Variants in ANGEL1 observed in about 807,000 individuals in gnomAD.
The protein encoded by ANGEL1 is RNA 2',3'-cyclic phosphatase ANGEL1.
A neutral mutation model predicts 76.4 loss-of-function variants in ANGEL1; 62 were observed. The ratio of observed to expected loss-of-function variants is 0.81; its 90% confidence interval spans 0.66 to 1.00. The LOEUF is 1.00. Among genes scored for constraint, ANGEL1 ranks in the 50% least tolerant of loss-of-function variants. ANGEL1 has a pLI of 0.00. For synonymous variants in ANGEL1, 340 were observed against 331.7 expected (o/e 1.03, Z -0.27); for missense variants, 737 against 836.7 (o/e 0.88, Z 1.47).
Position 76,809,312 on chromosome 14 carries a change from T to G in ANGEL1, c.396A>C (p.Gly132=). 1 of 1,614,168 alleles carries G rather than the reference T, an allele frequency of 6.2e-7. No homozygotes were observed. Among genetic ancestry groups the G allele is most frequent in the Non-Finnish European group, 8.5e-7 (1 of 1,180,010 alleles). The change falls in exon 2 of 10, where the codon GGA becomes GGC. Residue 132 remains glycine (G), a synonymous_variant. Transcript: ENST00000251089. The stretch of plus-strand genomic sequence containing the variant: ...CCTCCACCTCCAGCAGTGGCTCCTC[T>G]CCTAGCATCTCAGGGAAAGGCTCAT... ...NLDEPFPEML[G]EEPLLEVEGV... is the part of the protein sequence containing the mutation.
At chr14:76,806,315 C>A in intron 5 of ANGEL1, 101 bp downstream of exon 5, 1 of 1,240,856 alleles carries the variant, frequency 8.1e-7, no homozygotes, top group Non-Finnish European at 1.1e-6. Flanking sequence ...CAGGCCAGAG[C>A]AGGTGTACTG....
At chr14:76,808,185 T>C (rs368171645) in intron 2 of ANGEL1, 37 bp from the exon 3 acceptor site, 3 of 1,578,808 alleles carry the variant, frequency 1.9e-6, no homozygotes, top group African/African-American at 1.3e-5. Context: ...ATGGCAAGTA[T>C]GAGTAATGCA....
intron 5 of ANGEL1, 71 bp from the exon 6 acceptor site, chr14:76,803,983 G>T (rs1894841759): frequency 6.2e-7 from 1 of 1,613,574 alleles, no homozygotes; most frequent in East Asian, 2.2e-5. Flanking sequence ...CATGTTTTGG[G>T]ACATGTGGAC....
chr14:76,793,982 C>T (rs533457956), intron 7 of ANGEL1, among the ~76,000 whole-genome samples: 1 of 152,186 alleles, frequency 6.6e-6, no homozygotes, highest in African/African-American at 2.4e-5. Context: ...CCAAAGAAGG[C>T]AAAATCACTG....
At chr14:76,812,446 C>T (rs1055843217) in intron 1 of ANGEL1, 114 of 1,170,084 alleles carry the variant, frequency 9.7e-5, no homozygotes, top group Non-Finnish European at 1.1e-4. Context: ...TGGCCGACCC[C>T]ACAATTTCTC....
rs1449099866 is a variant in ANGEL1 at position 76,787,123 on chromosome 14, C to T, written c.*2105G>A. Reference sequence around the variant, plus strand: ...TACAACACATTTCTCAATCTAGATTCATGTCTTGAGACCCCACCCCAAGAT... The same window carrying T: ...TACAACACATTTCTCAATCTAGATTTATGTCTTGAGACCCCACCCCAAGAT... On this transcript the variant is annotated 3_prime_UTR_variant, in exon 10 of 10. Coordinates refer to ENST00000251089, the MANE Select transcript of ANGEL1 (RefSeq NM_015305.4). 5.3e-5 allele frequency: 8 copies of T among 152,228 alleles called. No individual in the cohort carries two copies. 9.4% of individuals were successfully genotyped at this position (152,228 alleles called of 1,614,324 possible).
Position 76,789,068 on chromosome 14 carries a change from G to T in ANGEL1, c.*160C>A. On this transcript the variant is annotated 3_prime_UTR_variant, in exon 10 of 10. Transcript: ENST00000251089. ...GACCACAGGCAGAGAACGCAGCCAGGCCTGGAGAAAGTCTAACCGTGGGAA... is the reference window on the plus strand; with the variant it reads ...GACCACAGGCAGAGAACGCAGCCAGTCCTGGAGAAAGTCTAACCGTGGGAA... 2 of 988,958 alleles carry T rather than the reference G, an allele frequency of 2.0e-6. No homozygotes were observed. The highest frequency in any genetic ancestry group is 2.4e-5 in the East Asian group (1 of 40,934). 61.3% of individuals were successfully genotyped at this position (988,958 alleles called of 1,614,324 possible).
At chr14:76,800,533 TA>T (rs1894729542) in intron 7 of ANGEL1, among the ~76,000 whole-genome samples, 1 of 152,256 alleles carries the variant, frequency 6.6e-6, no homozygotes, top group Admixed American at 6.5e-5. Context: ...CCTTTCACTA[TA>T]GTTTTCCCAG....
chr14:76,790,824 C>T, intron 8 of ANGEL1, 50 bp from the exon 9 acceptor site: 1 of 1,495,680 alleles, frequency 6.7e-7, no homozygotes, highest in East Asian at 2.4e-5. Context: ...ACTAAATTTT[C>T]CCTAGATCAC....
At chr14:76,810,581 T>C (rs549420848) in intron 1 of ANGEL1, among the ~76,000 whole-genome samples, 1 of 152,348 alleles carries the variant, frequency 6.6e-6, no homozygotes, top group South Asian at 2.1e-4. Context: ...CAAAAATCTA[T>C]ACAATTTACA....
intron 7 of ANGEL1, among the ~76,000 whole-genome samples, chr14:76,802,341 C>CAT (rs1894791171): frequency 6.6e-6 from 1 of 151,966 alleles, no homozygotes; most frequent in Non-Finnish European, 1.5e-5. Context: ...GCACAGATTC[C>CAT]ATGCTTTTCC....
At chr14:76,806,909 AACCAGC>A in intron 4 of ANGEL1, 60 bp from the exon 5 acceptor site, 1 of 1,537,726 alleles carries the variant, frequency 6.5e-7, no homozygotes, top group Non-Finnish European at 8.8e-7. Flanking sequence ...AATCCCTTCC[AACCAGC>A]ACCAGCAGTC....
rs145297327 is a variant in ANGEL1, at chr14:76,791,872, C to T, written c.1619-506G>A. Among the ~76,000 whole-genome samples the T allele has an allele frequency of 7.0e-3, 1,059 of 152,110 alleles. 5 individuals are homozygous for T. Among genetic ancestry groups the T allele is most frequent in the Non-Finnish European group, 8.6e-3 (586 of 67,998 alleles). On this transcript the variant is annotated intron_variant, in intron 7 of 9. Transcript: ENST00000251089. ...ATATATGTATACATCTATAAGCACA[C>T]ACACACATACATATCATACACACGA...
chr14:76,807,296 A>T, intron 4 of ANGEL1, 137 bp downstream of exon 4: 1 of 794,558 alleles, frequency 1.3e-6, no homozygotes, highest in Non-Finnish European at 2.0e-6. Context: ...CTACTTTCTC[A>T]GGCACACATG....
chr14:76,803,963 A>G, intron 5 of ANGEL1, 51 bp from the exon 6 acceptor site: 1 of 1,614,066 alleles, frequency 6.2e-7, no homozygotes, highest in South Asian at 1.1e-5. Flanking sequence ...AGAAAAAGGA[A>G]GTAACAGCCC....
chr14:76,804,408 T>G, intron 5 of ANGEL1: 1 of 1,002,578 alleles, frequency 1.0e-6, no homozygotes, highest in Non-Finnish European at 1.2e-6. Context: ...TCAAAGCCAA[T>G]GAGCAGCCTG....
At chr14:76,791,121 T>C (rs1485704196) in intron 8 of ANGEL1, among the ~76,000 whole-genome samples, 176 bp downstream of exon 8, 1 of 152,122 alleles carries the variant, frequency 6.6e-6, no homozygotes, top group Non-Finnish European at 1.5e-5. Context: ...CATGGGTGGG[T>C]CACCTCTGGC....
At chr14:76,802,010 G>GA (rs949493361) in intron 7 of ANGEL1, among the ~76,000 whole-genome samples, 95 of 142,300 alleles carry the variant, frequency 6.7e-4, no homozygotes, top group South Asian at 2.2e-3. Context: ...TACAAAAAAA[G>GA]AAAAAAAAAA....
chr14:76,812,866 C>T lies in ANGEL1; in HGVS notation c.-39G>A. 4 of 1,482,062 alleles carry T rather than the reference C, an allele frequency of 2.7e-6. No homozygotes were observed. Among genetic ancestry groups the T allele is most frequent in the African/African-American group, 2.9e-5 (2 of 68,958 alleles). 91.8% of individuals were successfully genotyped at this position (1,482,062 alleles called of 1,614,324 possible). On this transcript the variant is annotated 5_prime_UTR_variant, in exon 1 of 10. Transcript: ENST00000251089. ...CGCCCGCCTCCGCTCCTCACTGCAGCCAGCAGGTCCTCCCTCAGCTCGGCC... is the reference window on the plus strand; with the variant it reads ...CGCCCGCCTCCGCTCCTCACTGCAGTCAGCAGGTCCTCCCTCAGCTCGGCC...
Sources: allele counts gnomAD v4.1 joint callset (sites outside exome capture counted in the v4.1 genomes callset), GRCh38; gene constraint gnomAD v4.1.1; transcripts MANE v1.5; gene names NCBI Gene and HGNC (gene_info 2026-07-23, HGNC 2026-07-21).